TCF4: variants seen among roughly 807,000 people sequenced by gnomAD.
TCF4 encodes transcription factor 4, also known as SL3-3 enhancer factor 2.
TCF4 carries 3 observed loss-of-function variants against 82.1 expected under a neutral mutation model. The observed-to-expected ratio is 0.04, with a 90% CI of 0.02 to 0.09. TCF4 has a LOEUF of 0.09. Among genes scored for constraint, TCF4 ranks in the 10% least tolerant of loss-of-function variants. The probability of loss-of-function intolerance (pLI) is 1.00; values close to 1 mark genes in which losing one functional copy is unlikely to be tolerated. For synonymous variants in TCF4, 276 were observed against 309.6 expected, an observed-to-expected ratio of 0.89 and a Z score of 1.14; for missense variants, 518 against 852.7, an observed-to-expected ratio of 0.61 and a Z score of 4.89.
At chr18:55,348,509 A>C (rs1356049164) in intron 8 of TCF4, among the ~76,000 whole-genome samples, 2 of 152,182 alleles carry the variant, frequency 1.3e-5, no homozygotes, top group African/African-American at 2.4e-5. Context: ...TTGGGAAAGA[A>C]AGGAAAATTA....
At chr18:55,564,717 G>C (rs1206515288) in intron 3 of TCF4, among the ~76,000 whole-genome samples, 1 of 152,132 alleles carries the variant, frequency 6.6e-6, no homozygotes, top group Non-Finnish European at 1.5e-5. Context: ...TCATACTGGA[G>C]CAATATATAC....
intron 3 of TCF4, among the ~76,000 whole-genome samples, chr18:55,502,686 T>C (rs1199501632): frequency 1.3e-5 from 2 of 152,218 alleles, no homozygotes; most frequent in Non-Finnish European, 2.9e-5. Flanking sequence ...ATAAAATTAC[T>C]ATTTTATTGA....
At chr18:55,474,523 C>G (rs1411321181) in intron 3 of TCF4, among the ~76,000 whole-genome samples, 3 of 152,170 alleles carry the variant, frequency 2.0e-5, no homozygotes, top group Non-Finnish European at 4.4e-5. Context: ...TGGTACCTGA[C>G]CAATCTTGAA....
chr18:55,464,116 G>A lies in TCF4; in HGVS notation c.167C>T (p.Ser56Leu). ...ATGTCCTCCATTCCCCCAGGACCCT[G>A]AGCTACTTCTGTCTTCTACATCTAG... is the stretch of plus-strand genomic sequence containing the variant. ...TGSNVEDRSS[S>L]GSWGNGGHPS... is the part of the protein sequence containing the mutation. The change falls in exon 4 of 20, where the codon TCA becomes TTA. Residue 56 changes from serine to leucine, a missense_variant. By Grantham distance (145) the Ser-to-Leu change is moderately radical. Coordinates refer to ENST00000354452, the MANE Select transcript of TCF4 (RefSeq NM_001083962.2). 6.2e-7 allele frequency: 1 copy of A among 1,614,014 alleles called. No individual in the cohort carries two copies. Among genetic ancestry groups the A allele is most frequent in the Non-Finnish European group, 8.5e-7 (1 of 1,179,916 alleles).
chr18:55,238,830 C>T (rs2050324826), intron 15 of TCF4, among the ~76,000 whole-genome samples: 1 of 152,024 alleles, frequency 6.6e-6, no homozygotes, highest in Non-Finnish European at 1.5e-5. Flanking sequence ...TCCTCTTTGT[C>T]TTTGTATTTC....
chr18:55,395,544 A>G (rs1163869511), intron 6 of TCF4, among the ~76,000 whole-genome samples: 2 of 152,194 alleles, frequency 1.3e-5, no homozygotes, highest in South Asian at 2.1e-4. Flanking sequence ...AAACTTGCCT[A>G]TGCTCCTAGC....
intron 3 of TCF4, among the ~76,000 whole-genome samples, chr18:55,503,796 C>T (rs1484373147): frequency 2.0e-5 from 3 of 152,126 alleles, no homozygotes; most frequent in Admixed American, 1.3e-4. Flanking sequence ...TTCTAATGGC[C>T]GGGCACTGTG....
chr18:55,534,039 C>A (rs1034583912), intron 3 of TCF4, among the ~76,000 whole-genome samples: 2 of 152,100 alleles, frequency 1.3e-5, no homozygotes, highest in East Asian at 1.9e-4. Context: ...GGGGTGAGAA[C>A]CAAGTTTCAA....
chr18:55,473,323 ACGGCATTCT>A lies in TCF4; in HGVS notation c.146-9195_146-9187del, dbSNP rs942886365. Among the ~76,000 whole-genome samples the A allele has an allele frequency of 2.3e-4, 35 of 152,282 alleles. No homozygotes were observed. The South Asian group carries it at 6.4e-3, about 28-fold the overall frequency. ...AACCACAATGGTCTACTTCTCCCAA[ACGGCATTCT>A]TTCCTCTTGCTTTCTCCTTTTTCTT... On this transcript the variant is annotated intron_variant, in intron 3 of 19. Transcript: ENST00000354452.
chr18:55,635,016 A>G (rs573106908), intron 1 of TCF4, among the ~76,000 whole-genome samples: 2 of 152,336 alleles, frequency 1.3e-5, no homozygotes, highest in East Asian at 3.9e-4. Context: ...TATTAGAGAA[A>G]AAACACATGA....
At chr18:55,229,254 A>G (rs2047187925) in intron 17 of TCF4, 178 bp from the exon 18 acceptor site, 1 of 677,160 alleles carries the variant, frequency 1.5e-6, no homozygotes, top group Non-Finnish European at 2.6e-6. Context: ...ACAGTTCACA[A>G]TACACAAGAT....
chr18:55,604,767 G>A (rs1283204184), intron 2 of TCF4, among the ~76,000 whole-genome samples: 1 of 152,164 alleles, frequency 6.6e-6, no homozygotes, highest in Non-Finnish European at 1.5e-5. Flanking sequence ...GGAGTTATAA[G>A]AAGGTTGGTG....
intron 3 of TCF4, among the ~76,000 whole-genome samples, chr18:55,542,452 CA>C (rs1054821266): frequency 4.6e-5 from 7 of 151,890 alleles, no homozygotes; most frequent in African/African-American, 1.2e-4. Context: ...AACTGGCACC[CA>C]AAATGTACTG....
At chr18:55,382,587 A>G (rs1336442846) in intron 6 of TCF4, among the ~76,000 whole-genome samples, 1 of 152,196 alleles carries the variant, frequency 6.6e-6, no homozygotes, top group Admixed American at 6.5e-5. Flanking sequence ...GGGGAATCAT[A>G]AGCACGCAGG....
At chr18:55,448,128 G>A (rs2095558426) in intron 5 of TCF4, among the ~76,000 whole-genome samples, 1 of 152,102 alleles carries the variant, frequency 6.6e-6, no homozygotes, top group Admixed American at 6.5e-5. Flanking sequence ...TATTGTCTAG[G>A]AACGCTCTCT....
chr18:55,313,765 A>G (rs1381481073), intron 8 of TCF4, among the ~76,000 whole-genome samples: 1 of 152,188 alleles, frequency 6.6e-6, no homozygotes, highest in Non-Finnish European at 1.5e-5. Flanking sequence ...ACAAGGAAGA[A>G]CTCAACCAGA....
intron 6 of TCF4, among the ~76,000 whole-genome samples, chr18:55,381,661 A>G (rs2091912300): frequency 1.3e-5 from 2 of 152,232 alleles, no homozygotes; most frequent in African/African-American, 4.8e-5. Flanking sequence ...AGCTATGTGC[A>G]CTTACAGAAA....
At chr18:55,578,762 A>C (rs1264604843) in intron 3 of TCF4, among the ~76,000 whole-genome samples, 1 of 152,120 alleles carries the variant, frequency 6.6e-6, no homozygotes, top group Non-Finnish European at 1.5e-5. Flanking sequence ...TTTGCAAAAC[A>C]AATCAATAAA....
intron 15 of TCF4, among the ~76,000 whole-genome samples, chr18:55,245,159 A>G (rs960076902): frequency 6.6e-6 from 1 of 152,106 alleles, no homozygotes; most frequent in Non-Finnish European, 1.5e-5. Context: ...TTCAGTTCTC[A>G]CTCCTAAAGC....
Sources: allele counts gnomAD v4.1 joint callset (sites outside exome capture counted in the v4.1 genomes callset), GRCh38; gene constraint gnomAD v4.1.1; transcripts MANE v1.5; gene names NCBI Gene and HGNC (gene_info 2026-07-23, HGNC 2026-07-21).